SFT2D2: variants seen among roughly 807,000 people sequenced by gnomAD.
SFT2D2 encodes vesicle transport protein SFT2B.
A neutral mutation model predicts 27.4 loss-of-function variants in SFT2D2; 21 were observed. The observed-to-expected ratio is 0.77, with a 90% CI of 0.54 to 1.10. The LOEUF is 1.10. SFT2D2 is among the 50% of genes least tolerant of loss of function. The pLI, the probability that SFT2D2 is intolerant of heterozygous loss-of-function variation, is 0.00. For synonymous variants in SFT2D2, 72 were observed against 71.7 expected (o/e 1.00, Z -0.02); for missense variants, 187 against 194.2 (o/e 0.96, Z 0.22).
rs1344840284 is a variant in SFT2D2 at position 168,236,810 on chromosome 1, C to CAAGGGATGCTG, written c.413+40_413+41insAAGGGATGCTG. On this transcript the variant is annotated intron_variant, in intron 6 of 7. Coordinates refer to ENST00000271375, the MANE Select transcript of SFT2D2 (RefSeq NM_199344.3). ...AAACAATCCCCTCCCACATAGCCCA[C>CAAGGGATGCTG]TGAATAATGTAGCCAAAGGAGATAA... The CAAGGGATGCTG allele has an allele frequency of 8.1e-6, 13 of 1,596,768 alleles. No individual in the cohort carries two copies. The African/African-American group carries it at 1.6e-4, about 20-fold the overall frequency.
chr1:168,232,074 A>G (rs1647336329), intron 3 of SFT2D2, among the ~76,000 whole-genome samples, 155 bp downstream of exon 3: 1 of 152,192 alleles, frequency 6.6e-6, no homozygotes, highest in South Asian at 2.1e-4. Flanking sequence ...TTATTATTTG[A>G]AAACATTTTA....
Position 168,226,136 on chromosome 1 carries a change from G to C in SFT2D2, c.57G>C (p.Leu19=). The part of the protein sequence containing the change: ...SGQDTEDRSG[L]SEVVEASSLS... ...AGGACACGGAGGACCGGAGCGGCCT[G>C]TCCGAGGTGAGTGAGCCCGGGGCCG... Residue 19 remains leucine, a synonymous_variant, in exon 1 of 8, where the codon CTG becomes CTC. Transcript: ENST00000271375. 1 of 1,534,560 alleles carries C rather than the reference G, an allele frequency of 6.5e-7. No individual in the cohort carries two copies. Among genetic ancestry groups the C allele is most frequent in the Non-Finnish European group, 8.8e-7 (1 of 1,140,042 alleles).
At chr1:168,241,248 C>G in intron 7 of SFT2D2, among the ~76,000 whole-genome samples, 1 of 119,192 alleles carries the variant, frequency 8.4e-6, no homozygotes, top group Admixed American at 1.1e-4. Context: ...CACTCTATGG[C>G]CCAGGCTGGA....
intron 4 of SFT2D2, 48 bp downstream of exon 4, chr1:168,235,230 C>A: frequency 6.5e-7 from 1 of 1,543,830 alleles, no homozygotes; most frequent in Non-Finnish European, 9.0e-7. Context: ...GTTTTTATTT[C>A]TATTGTATAG....
chr1:168,229,042 A>G (rs545075164), intron 1 of SFT2D2, among the ~76,000 whole-genome samples: 2 of 152,334 alleles, frequency 1.3e-5, no homozygotes, highest in South Asian at 4.2e-4. Context: ...TAATGGAAAA[A>G]TACAGTGGTG....
chr1:168,231,498 T>C lies in SFT2D2; in HGVS notation c.64-16T>C. Reference sequence around the variant, plus strand: ...TAAATGTGTGTGTATATGTATTTTTTTTTTTTCAATTTTAGGTTGTTGAGG... The same window carrying C: ...TAAATGTGTGTGTATATGTATTTTTCTTTTTTCAATTTTAGGTTGTTGAGG... On this transcript the variant is annotated splice_polypyrimidine_tract_variant and intron_variant, in intron 1 of 7. Coordinates refer to ENST00000271375, the MANE Select transcript of SFT2D2 (RefSeq NM_199344.3). 6.2e-7 allele frequency: 1 copy of C among 1,604,698 alleles called. No homozygotes were observed. Among genetic ancestry groups the C allele is most frequent in the Non-Finnish European group, 8.5e-7 (1 of 1,173,104 alleles).
chr1:168,242,430 C>A, intron 7 of SFT2D2, 71 bp from the exon 8 acceptor site: 1 of 1,570,600 alleles, frequency 6.4e-7, no homozygotes, highest in Non-Finnish European at 8.8e-7. Context: ...AGCTTCCACT[C>A]TGGGTGCCCT....
At chr1:168,230,989 T>C (rs2102328544) in intron 1 of SFT2D2, among the ~76,000 whole-genome samples, 1 of 152,368 alleles carries the variant, frequency 6.6e-6, no homozygotes, top group East Asian at 1.9e-4. Context: ...ATCCTGTAAG[T>C]ACAATATCTG....
chr1:168,236,033 G>A (rs1337411380), intron 4 of SFT2D2, among the ~76,000 whole-genome samples: 1 of 152,200 alleles, frequency 6.6e-6, no homozygotes, highest in African/African-American at 2.4e-5. Context: ...AGAAAGGCAT[G>A]GCTGACTGCT....
intron 1 of SFT2D2, among the ~76,000 whole-genome samples, chr1:168,228,152 A>G (rs1700480505): frequency 6.6e-6 from 1 of 152,178 alleles, no homozygotes; most frequent in African/African-American, 2.4e-5. Context: ...AATTCCTAGG[A>G]AATGTTTTGT....
At chr1:168,242,334 C>G (rs1335121122) in intron 7 of SFT2D2, among the ~76,000 whole-genome samples, 167 bp from the exon 8 acceptor site, 2 of 152,104 alleles carry the variant, frequency 1.3e-5, no homozygotes, top group East Asian at 3.9e-4. Flanking sequence ...AGGAACTTTC[C>G]CAGGATAGTA....
intron 6 of SFT2D2, 40 bp from the exon 7 acceptor site, chr1:168,239,091 C>T (rs1223171001): frequency 6.7e-7 from 1 of 1,495,084 alleles, no homozygotes; most frequent in Non-Finnish European, 9.3e-7. Context: ...CTGCTACTCC[C>T]TTCATCTCAT....
intron 3 of SFT2D2, among the ~76,000 whole-genome samples, chr1:168,233,523 G>A (rs1167187929): frequency 6.6e-6 from 1 of 152,216 alleles, no homozygotes; most frequent in Non-Finnish European, 1.5e-5. Flanking sequence ...TTAAATGATT[G>A]ATTGCATGAT....
At chr1:168,237,648 T>C (rs1172357537) in intron 6 of SFT2D2, among the ~76,000 whole-genome samples, 1 of 152,240 alleles carries the variant, frequency 6.6e-6, no homozygotes, top group East Asian at 1.9e-4. Context: ...TTCTGAAGAA[T>C]TGGTTAACTC....
At position 168,244,044 on chromosome 1, in the gene SFT2D2, G is replaced by A. The variant is rs1357845196; in HGVS notation, c.*1504G>A. Reference sequence around the variant, plus strand: ...GATTGCCTTTCTGTTCTTTGCACAGGGCCAACTGGTCCACTAGGGCTCCTC... The same window carrying A: ...GATTGCCTTTCTGTTCTTTGCACAGAGCCAACTGGTCCACTAGGGCTCCTC... On this transcript the variant is annotated 3_prime_UTR_variant, in exon 8 of 8. Transcript: ENST00000271375. 7 of 152,264 alleles carry A rather than the reference G, an allele frequency of 4.6e-5. No individual in the cohort carries two copies. The highest frequency in any genetic ancestry group is 4.6e-4 in the Admixed American group (7 of 15,272). 9.4% of individuals were successfully genotyped at this position (152,264 alleles called of 1,614,324 possible). A position where few individuals can be genotyped will look rare whatever the true frequency, so the allele number is the denominator to read the frequency against.
Position 168,246,322 on chromosome 1 carries a change from G to T in SFT2D2, c.*3782G>T. On this transcript the variant is annotated 3_prime_UTR_variant, in exon 8 of 8. Transcript: ENST00000271375. ...TTGTGAACATCATCCAGTTGCTGTTGAAGCAACATATTTTGTCTTCGTAGT... is the reference window on the plus strand; with the variant it reads ...TTGTGAACATCATCCAGTTGCTGTTTAAGCAACATATTTTGTCTTCGTAGT... 1 of 446,194 alleles carries T rather than the reference G, an allele frequency of 2.2e-6. No homozygotes were observed. Among genetic ancestry groups the T allele is most frequent in the South Asian group, 2.1e-5 (1 of 47,874 alleles). 27.6% of individuals were successfully genotyped at this position (446,194 alleles called of 1,614,324 possible). A position where few individuals can be genotyped will look rare whatever the true frequency, so the allele number is the denominator to read the frequency against.
intron 2 of SFT2D2, 70 bp downstream of exon 2, chr1:168,231,670 C>T: frequency 6.6e-7 from 1 of 1,513,288 alleles, no homozygotes; most frequent in East Asian, 2.3e-5. Context: ...CTTTTGTCCA[C>T]CTCCTTTCCC....
rs1459133122 is a variant in SFT2D2 at position 168,247,494 on chromosome 1, A to T, written c.*4954A>T. On this transcript the variant is annotated 3_prime_UTR_variant, in exon 8 of 8. Transcript: ENST00000271375. ...AGCTTCATCCATGTCCCTACAAAGGACATGAACTCATCCTTTTTTTATGGC... is the reference window on the plus strand; with the variant it reads ...AGCTTCATCCATGTCCCTACAAAGGTCATGAACTCATCCTTTTTTTATGGC... 2 of 155,800 alleles carry T rather than the reference A, an allele frequency of 1.3e-5. No individual in the cohort carries two copies. Among genetic ancestry groups the T allele is most frequent in the African/African-American group, 4.8e-5 (2 of 41,394 alleles). The allele number at this position is 155,800 out of a possible 1,614,324, so 9.7% of individuals were successfully genotyped here.
rs1038910246 is a variant in SFT2D2 at position 168,245,114 on chromosome 1, A to C, written c.*2574A>C. 2 of 152,166 alleles carry C rather than the reference A, an allele frequency of 1.3e-5. No homozygotes were observed. The highest frequency in any genetic ancestry group is 4.8e-5 in the African/African-American group (2 of 41,432). The allele number at this position is 152,166 out of a possible 1,614,324, so 9.4% of individuals were successfully genotyped here. On this transcript the variant is annotated 3_prime_UTR_variant, in exon 8 of 8. Transcript: ENST00000271375. ...ATGTTTTAATTGGGAGTAGGGGGAA[A>C]GAGGGAGGGAAGGAGAAAAATGAAA...
Sources: allele counts gnomAD v4.1 joint callset (sites outside exome capture counted in the v4.1 genomes callset), GRCh38; gene constraint gnomAD v4.1.1; transcripts MANE v1.5; gene names NCBI Gene and HGNC (gene_info 2026-07-23, HGNC 2026-07-21).